The following TBC1D2 variants were observed in gnomAD, a reference collection of about 807,000 sequenced individuals.
TBC1D2 encodes TBC1 domain family member 2A.
Under a neutral mutation model 91.1 loss-of-function variants are expected in TBC1D2, and 58 were observed. That is an observed-to-expected ratio of 0.64 (90% CI 0.52 to 0.79). TBC1D2 has a LOEUF of 0.79. Ranked by LOEUF, TBC1D2 falls within the 30% of genes least tolerant of loss-of-function variation. The probability of loss-of-function intolerance (pLI) is 0.00; values close to 1 mark genes in which losing one functional copy is unlikely to be tolerated. For missense variants in TBC1D2, 1,080 were observed against 1,208.3 expected (o/e 0.89, Z 1.57); for synonymous variants, 482 against 511.5 (o/e 0.94, Z 0.78).
Position 98,203,367 on chromosome 9 carries a change from C to T in TBC1D2, c.2192G>A (p.Ser731Asn). The T allele has an allele frequency of 1.9e-6, 3 of 1,614,250 alleles. No homozygotes were observed. The highest frequency in any genetic ancestry group is 2.5e-6 in the Non-Finnish European group (3 of 1,180,054). Reference sequence around the variant, plus strand: ...AATGGCCACCAGGCACCAGAAGGCGCTCTCCTCCTCCTCTAGGACCAGCAG... The same window carrying T: ...AATGGCCACCAGGCACCAGAAGGCGTTCTCCTCCTCCTCTAGGACCAGCAG... ...IALLVLEEEESAFWCLVAIVE... is the reference protein window; with the variant it reads ...IALLVLEEEENAFWCLVAIVE... The change falls in exon 10 of 13, where the codon AGC (serine) becomes AAC (asparagine). Residue 731 changes from serine (S) to asparagine (N), a missense_variant. Transcript: ENST00000465784.
chr9:98,204,398 C>T (rs767678213), intron 9 of TBC1D2, among the ~76,000 whole-genome samples: 8 of 152,174 alleles, frequency 5.3e-5, no homozygotes, highest in Non-Finnish European at 1.2e-4. Context: ...CCCAGGGGGT[C>T]CACAGAGCCC....
chr9:98,232,176 A>T (rs550015359), intron 4 of TBC1D2, among the ~76,000 whole-genome samples: 3 of 152,244 alleles, frequency 2.0e-5, no homozygotes, highest in African/African-American at 4.8e-5. Flanking sequence ...GCCAAAAAAA[A>T]TGCTTACTGC....
In TBC1D2 at chr9:98,201,657, T is replaced by G. The variant is rs1487168449; in HGVS notation, c.2279A>C (p.Gln760Pro). The G allele has an allele frequency of 6.2e-7, 1 of 1,610,934 alleles. No individual in the cohort carries two copies. Among genetic ancestry groups the G allele is most frequent in the Non-Finnish European group, 8.5e-7 (1 of 1,178,422 alleles). ...CNTLTASQVD[Q>P]RVLQDLLSEK... ...CGAGAGCAGGTCCTGGAGCACCCGC[T>G]GGTCCACCTGGAAGCCAGCGAGAGG... is the stretch of plus-strand genomic sequence containing the variant. Residue 760 changes from glutamine (Q) to proline (P), a missense_variant, in exon 11 of 13, where the codon CAG (glutamine) becomes CCG (proline). Transcript: ENST00000465784.
At chr9:98,213,525 A>C (rs1828901076) in intron 6 of TBC1D2, 1 of 666,596 alleles carries the variant, frequency 1.5e-6, no homozygotes, top group Non-Finnish European at 2.1e-6. Flanking sequence ...AAAAGGGGCA[A>C]ATACCAACTA....
chr9:98,201,585 T>C lies in TBC1D2; in HGVS notation c.2351A>G (p.Asp784Gly). ...CCAGTTGAAGGTGACGAGGGAGAGA[T>C]CCACGTGGTGCTGCCCCAGATGGGC... ...LMAHLGQHHVDLSLVTFNWFL... is the reference protein window; with the variant it reads ...LMAHLGQHHVGLSLVTFNWFL... The change falls in exon 11 of 13, where the codon GAT becomes GGT. Residue 784 changes from aspartate to glycine, a missense_variant. Physicochemically the swap from Asp to Gly is moderately conservative, Grantham distance 94. Coordinates refer to ENST00000465784, the MANE Select transcript of TBC1D2 (RefSeq NM_001267571.2). The C allele has an allele frequency of 1.9e-6, 3 of 1,614,034 alleles. No individual in the cohort carries two copies. Among genetic ancestry groups the C allele is most frequent in the Non-Finnish European group, 2.5e-6 (3 of 1,179,996 alleles).
At chr9:98,233,591 G>T (rs909931228) in intron 3 of TBC1D2, 42 bp from the exon 4 acceptor site, 2 of 1,605,300 alleles carry the variant, frequency 1.2e-6, no homozygotes, top group African/African-American at 2.7e-5. Context: ...GCTGAACCCT[G>T]CCTTTCTGCC....
At chr9:98,233,662 T>G in intron 3 of TBC1D2, 113 bp from the exon 4 acceptor site, 1 of 1,498,654 alleles carries the variant, frequency 6.7e-7, no homozygotes, top group Admixed American at 2.1e-5. Flanking sequence ...CCTGTCATCC[T>G]GACTGGTCTC....
chr9:98,235,977 G>A (rs929811240), intron 3 of TBC1D2, among the ~76,000 whole-genome samples: 1 of 151,718 alleles, frequency 6.6e-6, no homozygotes, highest in Admixed American at 6.6e-5. Context: ...GGAGCTTGCA[G>A]TGAGCCGAGA....
intron 6 of TBC1D2, among the ~76,000 whole-genome samples, chr9:98,214,914 AC>A (rs1828933891): frequency 6.6e-6 from 1 of 152,052 alleles, no homozygotes; most frequent in South Asian, 2.1e-4. Flanking sequence ...TGGTGCCCCA[AC>A]CCAGGCCACC....
At chr9:98,244,573 C>G (rs191870783) in intron 2 of TBC1D2, among the ~76,000 whole-genome samples, 9 of 146,134 alleles carry the variant, frequency 6.2e-5, no homozygotes, top group African/African-American at 2.3e-4. Context: ...GCAGGAGAAT[C>G]GCTTGAACCT....
At chr9:98,215,620 A>G (rs1230099311) in intron 6 of TBC1D2, among the ~76,000 whole-genome samples, 1 of 151,752 alleles carries the variant, frequency 6.6e-6, no homozygotes, top group African/African-American at 2.4e-5. Flanking sequence ...CAATCCTCCC[A>G]CCTCAGCCTG....
chr9:98,210,869 G>T lies in TBC1D2; in HGVS notation c.1486-26C>A, dbSNP rs956561502. 3 of 1,542,208 alleles carry T rather than the reference G, an allele frequency of 1.9e-6. No individual in the cohort carries two copies. The African/African-American group carries it at 4.2e-5, about 21-fold the overall frequency. On this transcript the variant is annotated intron_variant, in intron 7 of 12. Coordinates refer to ENST00000465784, the MANE Select transcript of TBC1D2 (RefSeq NM_001267571.2). ...CTGCAAACAGGGAAAGGCTGGTCAG[G>T]CTACCGGGTGGGAGCTGGGCCGCCC...
chr9:98,203,154 A>G (rs1588026958), intron 10 of TBC1D2, 134 bp downstream of exon 10: 2 of 1,351,780 alleles, frequency 1.5e-6, no homozygotes, highest in East Asian at 4.6e-5. Context: ...ATGCAGCCAA[A>G]TGCACTCCCA....
At chr9:98,246,352 C>T (rs900125245) in intron 2 of TBC1D2, among the ~76,000 whole-genome samples, 1 of 152,134 alleles carries the variant, frequency 6.6e-6, no homozygotes, top group African/African-American at 2.4e-5. Context: ...GTTCAACCTA[C>T]CTAAGAAAAG....
At chr9:98,218,609 A>G (rs1412415292) in intron 6 of TBC1D2, among the ~76,000 whole-genome samples, 1 of 152,166 alleles carries the variant, frequency 6.6e-6, no homozygotes, top group African/African-American at 2.4e-5. Context: ...GAATATGTAA[A>G]TTCAGGGGCA....
chr9:98,224,670 T>A (rs913856491), intron 5 of TBC1D2, among the ~76,000 whole-genome samples: 14 of 152,338 alleles, frequency 9.2e-5, no homozygotes, highest in Admixed American at 5.2e-4. Flanking sequence ...TTTATTTAAA[T>A]TTTTAAAAGC....
At chr9:98,205,518 G>A (rs1389975864) in intron 9 of TBC1D2, among the ~76,000 whole-genome samples, 2 of 152,202 alleles carry the variant, frequency 1.3e-5, no homozygotes, top group South Asian at 4.1e-4. Flanking sequence ...GGCAGGGTCT[G>A]TCATCTTGAG....
intron 10 of TBC1D2, among the ~76,000 whole-genome samples, chr9:98,203,069 G>A (rs144155958): frequency 3.3e-5 from 5 of 152,340 alleles, no homozygotes; most frequent in East Asian, 3.9e-4. Context: ...TGAACCCTGC[G>A]GTACTGCCTT....
In TBC1D2 at chr9:98,255,195, G is replaced by C; in HGVS notation, c.347C>G (p.Pro116Arg). 1 of 1,609,620 alleles carries C rather than the reference G, an allele frequency of 6.2e-7. No homozygotes were observed. Among genetic ancestry groups the C allele is most frequent in the South Asian group, 1.1e-5 (1 of 90,920 alleles). Residue 116 changes from proline (P) to arginine (R), a missense_variant, in exon 1 of 13, where the codon CCC becomes CGC. Pro to Arg is a moderately radical substitution (Grantham distance 103). Coordinates refer to ENST00000465784, the MANE Select transcript of TBC1D2 (RefSeq NM_001267571.2). ...AEEGIFEIKT[P>R]SRVITLKAAT... The stretch of plus-strand genomic sequence containing the variant: ...TACCTTCAGGGTAATAACCCGGCTG[G>C]GAGTCTTGATTTCGAAGATCCCCTC...
Sources: allele counts gnomAD v4.1 joint callset (sites outside exome capture counted in the v4.1 genomes callset), GRCh38; gene constraint gnomAD v4.1.1; transcripts MANE v1.5; gene names NCBI Gene and HGNC (gene_info 2026-07-23, HGNC 2026-07-21).